SNRPC: variants seen among roughly 807,000 people sequenced by gnomAD.
The protein encoded by SNRPC is small nuclear ribonucleoprotein polypeptide C, also known as U1 small nuclear ribonucleoprotein C.
A neutral mutation model predicts 20.0 loss-of-function variants in SNRPC; 5 were observed. The ratio of observed to expected loss-of-function variants is 0.25; its 90% CI spans 0.13 to 0.53. SNRPC has a LOEUF of 0.53. Ranked by LOEUF, SNRPC falls within the 20% of genes least tolerant of loss-of-function variation. The probability of loss-of-function intolerance (pLI) is 0.96; values close to 1 mark genes in which losing one functional copy is unlikely to be tolerated. For missense variants in SNRPC, 112 were observed against 224.1 expected, an observed-to-expected ratio of 0.50 and a Z score of 3.19; for synonymous variants, 61 against 58.7, an observed-to-expected ratio of 1.04 and a Z score of -0.18.
chr6:34,773,590 T>C lies in SNRPC; in HGVS notation c.*20T>C, dbSNP rs752348275. ...AGATAAGGATAGAGGGGAGGCCTTA[T>C]TGTATCGGTTTTATATTACCTGTTC... On this transcript the variant is annotated 3_prime_UTR_variant, in exon 6 of 6. Coordinates refer to ENST00000244520, the MANE Select transcript of SNRPC (RefSeq NM_003093.3). The surrounding 1 kb of genome is among the most constrained non-coding windows in gnomAD (Gnocchi z 4.1). 3 of 1,610,612 alleles carry C rather than the reference T, an allele frequency of 1.9e-6. No individual in the cohort carries two copies. Among genetic ancestry groups the C allele is most frequent in the Non-Finnish European group, 2.5e-6 (3 of 1,178,182 alleles).
intron 4 of SNRPC, 39 bp downstream of exon 4, chr6:34,768,036 C>T (rs368107037): frequency 6.3e-7 from 1 of 1,575,572 alleles, no homozygotes; most frequent in Non-Finnish European, 8.6e-7. Flanking sequence ...TGTGACGGGG[C>T]AGGCTATCCT....
chr6:34,767,754 A>G (rs1426639075), intron 3 of SNRPC, among the ~76,000 whole-genome samples, 154 bp from the exon 4 acceptor site: 1 of 152,232 alleles, frequency 6.6e-6, no homozygotes, highest in Non-Finnish European at 1.5e-5. Context: ...ATGATTTTAA[A>G]ACTGTAGAAC....
intron 3 of SNRPC, 33 bp from the exon 4 acceptor site, chr6:34,767,875 C>CTTTTT: frequency 5.5e-5 from 74 of 1,343,274 alleles, no homozygotes; most frequent in South Asian, 1.9e-4. Flanking sequence ...TCTTATTCAT[C>CTTTTT]TTTTTTTTTT....
In SNRPC at chr6:34,757,831, T is replaced by A. The variant is rs1359727983; in HGVS notation, c.9-81T>A. 4 of 1,609,830 alleles carry A rather than the reference T, an allele frequency of 2.5e-6. No individual in the cohort carries two copies. The Admixed American group carries it at 5.1e-5, about 21-fold the overall frequency. ...TTTTGTTTTGTTTGTTTGTTTTGTTTTTATCTTCCATGAACAGCGCTTCCG... is the reference window on the plus strand; with the variant it reads ...TTTTGTTTTGTTTGTTTGTTTTGTTATTATCTTCCATGAACAGCGCTTCCG... On this transcript the variant is annotated intron_variant, in intron 1 of 5. Transcript: ENST00000244520.
intron 4 of SNRPC, among the ~76,000 whole-genome samples, chr6:34,769,999 G>A (rs1764666067): frequency 6.6e-6 from 1 of 152,246 alleles, no homozygotes; most frequent in African/African-American, 2.4e-5. Flanking sequence ...GACGTGGGCA[G>A]ATCACCTGAG....
intron 3 of SNRPC, among the ~76,000 whole-genome samples, chr6:34,765,695 C>T (rs1764604159): frequency 6.6e-6 from 1 of 151,688 alleles, no homozygotes; most frequent in South Asian, 2.1e-4. Flanking sequence ...GCTTCAGCCT[C>T]CCAAAGTGCT....
intron 5 of SNRPC, among the ~76,000 whole-genome samples, 165 bp downstream of exon 5, chr6:34,770,560 G>A (rs1764673448): frequency 6.6e-6 from 1 of 152,226 alleles, no homozygotes; most frequent in East Asian, 1.9e-4. Flanking sequence ...CTAATTAGCT[G>A]TCTAAATGTA....
chr6:34,773,675 C>G lies in SNRPC; in HGVS notation c.*105C>G. 1.0e-6 allele frequency: 1 copy of G among 978,806 alleles called. No homozygotes were observed. Among genetic ancestry groups the G allele is most frequent in the Non-Finnish European group, 1.5e-6 (1 of 656,018 alleles). The allele number at this position is 978,806 out of a possible 1,614,324, so 60.6% of individuals were successfully genotyped here. A position where few individuals can be genotyped will look rare whatever the true frequency, so the allele number is the denominator to read the frequency against. ...AGTTTTCTAAACAGCATAAGGAAGA[C>G]TTGCTCCCCTGTCCTATGAAAGAGA... is the stretch of plus-strand genomic sequence containing the variant. On this transcript the variant is annotated 3_prime_UTR_variant, in exon 6 of 6. Transcript: ENST00000244520. The surrounding 1 kb of genome is among the most constrained non-coding windows in gnomAD (Gnocchi z 4.1).
chr6:34,767,889 T>C lies in SNRPC; in HGVS notation c.161-19T>C. On this transcript the variant is annotated intron_variant, in intron 3 of 5. Coordinates refer to ENST00000244520, the MANE Select transcript of SNRPC (RefSeq NM_003093.3). Reference sequence around the variant, plus strand: ...TTCTTATTCATCTTTTTTTTTTTTTTTTTCCTCACCCTCCAAAGCGGCTGC... The same window carrying C: ...TTCTTATTCATCTTTTTTTTTTTTTCTTTCCTCACCCTCCAAAGCGGCTGC... 6.6e-7 allele frequency: 1 copy of C among 1,504,274 alleles called. No homozygotes were observed. Among genetic ancestry groups the C allele is most frequent in the Non-Finnish European group, 8.7e-7 (1 of 1,145,618 alleles). 93.2% of individuals were successfully genotyped at this position (1,504,274 alleles called of 1,614,324 possible). A position where few individuals can be genotyped will look rare whatever the true frequency, so the allele number is the denominator to read the frequency against.
intron 2 of SNRPC, among the ~76,000 whole-genome samples, chr6:34,761,801 G>T (rs973438782): frequency 6.6e-6 from 1 of 151,826 alleles, no homozygotes; most frequent in South Asian, 2.1e-4. Context: ...GAGCTACTGC[G>T]CCCAGCCAGG....
At chr6:34,768,127 A>G (rs576989038) in intron 4 of SNRPC, 130 bp downstream of exon 4, 257 of 637,872 alleles carry the variant, frequency 4.0e-4, no homozygotes, top group Non-Finnish European at 6.0e-4. Context: ...ATGTATAAAT[A>G]TATAAATGTT....
Position 34,773,323 on chromosome 6 carries a change from C to CT in SNRPC, c.356-117dup, listed in dbSNP as rs1467621814. On this transcript the variant is annotated intron_variant, in intron 5 of 5. Coordinates refer to ENST00000244520, the MANE Select transcript of SNRPC (RefSeq NM_003093.3). The surrounding 1 kb of genome is among the most constrained non-coding windows in gnomAD (Gnocchi z 4.1). Reference sequence around the variant, plus strand: ...GTTGCATTTCTTCTGTCACGTGTGTCTTTTTTCCAGCATTTTGCAAGGGGG... The same window carrying CT: ...GTTGCATTTCTTCTGTCACGTGTGTCTTTTTTTCCAGCATTTTGCAAGGGGG... 1.3e-6 allele frequency: 1 copy of CT among 773,992 alleles called. No individual in the cohort carries two copies. Among genetic ancestry groups the CT allele is most frequent in the Non-Finnish European group, 2.0e-6 (1 of 491,640 alleles). The allele number at this position is 773,992 out of a possible 1,614,324, so 47.9% of individuals were successfully genotyped here. A position where few individuals can be genotyped will look rare whatever the true frequency, so the allele number is the denominator to read the frequency against.
intron 3 of SNRPC, among the ~76,000 whole-genome samples, chr6:34,764,724 A>C (rs1193855832): frequency 6.6e-6 from 1 of 151,988 alleles, no homozygotes; most frequent in Non-Finnish European, 1.5e-5. Flanking sequence ...ATTTTCAAAT[A>C]AAATAGAGAA....
At chr6:34,761,418 G>A (rs1764534189) in intron 2 of SNRPC, among the ~76,000 whole-genome samples, 1 of 150,396 alleles carries the variant, frequency 6.6e-6, no homozygotes, top group South Asian at 2.1e-4. Flanking sequence ...GATTATAGGT[G>A]TGAGCCACCG....
chr6:34,769,081 C>T (rs1764653461), intron 4 of SNRPC, among the ~76,000 whole-genome samples: 1 of 152,172 alleles, frequency 6.6e-6, no homozygotes, highest in African/African-American at 2.4e-5. Context: ...ATCCTAGGAC[C>T]TGGTCAGGCC....
chr6:34,757,561 G>T lies in SNRPC; in HGVS notation c.8+10G>T, dbSNP rs374570452. 33 of 1,612,796 alleles carry T rather than the reference G, an allele frequency of 2.0e-5. No homozygotes were observed. The highest frequency in any genetic ancestry group is 2.5e-5 in the Non-Finnish European group (30 of 1,178,930). ...AGAGCAACATGCCCAAGTGAGTGGG[G>T]CCCCGAAATCTGAGGGTGATCGTAG... On this transcript the variant is annotated intron_variant, in intron 1 of 5. Coordinates refer to ENST00000244520, the MANE Select transcript of SNRPC (RefSeq NM_003093.3).
Position 34,773,338 on chromosome 6 carries a change from T to C in SNRPC, c.356-108T>C. 1.1e-6 allele frequency: 1 copy of C among 923,428 alleles called. No homozygotes were observed. Among genetic ancestry groups the C allele is most frequent in the Non-Finnish European group, 1.6e-6 (1 of 622,342 alleles). The allele number at this position is 923,428 out of a possible 1,614,324, so 57.2% of individuals were successfully genotyped here. ...TCACGTGTGTCTTTTTTCCAGCATTTTGCAAGGGGGGCTACGTTTTTTGTT... is the reference window on the plus strand; with the variant it reads ...TCACGTGTGTCTTTTTTCCAGCATTCTGCAAGGGGGGCTACGTTTTTTGTT... On this transcript the variant is annotated intron_variant, in intron 5 of 5. Transcript: ENST00000244520. This position sits in a 1 kb window ranked among gnomAD's most constrained non-coding sequence, Gnocchi z 4.1.
chr6:34,762,784 C>CA, intron 3 of SNRPC, 81 bp downstream of exon 3: 1 of 728,606 alleles, frequency 1.4e-6, no homozygotes, highest in Admixed American at 2.3e-5. Context: ...TTCACAGAGG[C>CA]AACTCATTCT....
Position 34,773,143 on chromosome 6 carries a change from T to C in SNRPC, c.356-303T>C. ...TCCCTGAGTGAGAAAAAAAGGTCAG[T>C]TTAGGGAACTAGTGTCCCTGGCGAT... is the stretch of plus-strand genomic sequence containing the variant. On this transcript the variant is annotated intron_variant, in intron 5 of 5. Transcript: ENST00000244520. The surrounding 1 kb of genome is among the most constrained non-coding windows in gnomAD (Gnocchi z 4.1). The C allele has an allele frequency of 3.4e-6, 1 of 290,482 alleles. No individual in the cohort carries two copies. 18.0% of individuals were successfully genotyped at this position (290,482 alleles called of 1,614,324 possible). A position where few individuals can be genotyped will look rare whatever the true frequency, so the allele number is the denominator to read the frequency against.
Sources: gnomAD v4.1 joint callset for allele counts (sites outside exome capture counted in the v4.1 genomes callset) on GRCh38, gnomAD v4.1.1 for gene constraint, Gnocchi (gnomAD v3.1) non-coding constraint, MANE v1.5 for transcripts, NCBI Gene and HGNC (gene_info 2026-07-23, HGNC 2026-07-21) for gene names.